TYW1B: variants seen among roughly 807,000 people sequenced by gnomAD.
TYW1B encodes the protein tRNA-yW synthesizing protein 1 homolog B, also known as S-adenosyl-L-methionine-dependent tRNA 4-demethylwyosine synthase TYW1B.
A neutral mutation model predicts 86.9 loss-of-function variants in TYW1B; 73 were observed. The observed-to-expected ratio is 0.84, with a 90% CI of 0.70 to 1.02. The LOEUF is 1.02. Ranked by LOEUF, TYW1B falls within the 50% of genes least tolerant of loss-of-function variation. TYW1B has a pLI of 0.00. For missense variants in TYW1B, 637 were observed against 827.4 expected, an observed-to-expected ratio of 0.77 and a Z score of 2.82; for synonymous variants, 248 against 292.8, an observed-to-expected ratio of 0.85 and a Z score of 1.56.
intron 11 of TYW1B, among the ~76,000 whole-genome samples, chr7:72,649,693 CA>C (rs1298658483): frequency 4.6e-5 from 7 of 152,076 alleles, no homozygotes; most frequent in African/African-American, 1.7e-4. Flanking sequence ...ACGACTGAGA[CA>C]AAGTAAATTT....
At chr7:72,767,993 T>C (rs1268484320) in intron 7 of TYW1B, among the ~76,000 whole-genome samples, 6 of 152,148 alleles carry the variant, frequency 3.9e-5, no homozygotes, top group Admixed American at 1.3e-4. Context: ...CTCATGCCTA[T>C]AATCCCAGCA....
intron 2 of TYW1B, among the ~76,000 whole-genome samples, chr7:72,821,905 T>C (rs1185894598): frequency 6.6e-6 from 1 of 152,054 alleles, no homozygotes; most frequent in Non-Finnish European, 1.5e-5. Flanking sequence ...CTAAGAAAGG[T>C]AACTCGATAT....
At chr7:72,810,382 G>C in intron 4 of TYW1B, 89 bp downstream of exon 4, 1 of 1,260,648 alleles carries the variant, frequency 7.9e-7, no homozygotes, top group Non-Finnish European at 1.1e-6. Context: ...GTACGTGTGT[G>C]CACGTGTGTT....
chr7:72,733,362 A>T, intron 8 of TYW1B, among the ~76,000 whole-genome samples: 1 of 152,210 alleles, frequency 6.6e-6, no homozygotes, highest in Non-Finnish European at 1.5e-5. Flanking sequence ...CGATGAACAA[A>T]GGTATAAAAA....
At chr7:72,778,472 C>G (rs1340224801) in intron 6 of TYW1B, among the ~76,000 whole-genome samples, 2 of 152,176 alleles carry the variant, frequency 1.3e-5, no homozygotes, top group African/African-American at 4.8e-5. Context: ...TTTTTTGAAA[C>G]AGAGTCTCGC....
In TYW1B at chr7:72,807,334, C is replaced by T; in HGVS notation, c.455G>A (p.Trp152Ter). 6.2e-7 allele frequency: 1 copy of T among 1,611,914 alleles called. No individual in the cohort carries two copies. The highest frequency in any genetic ancestry group is 1.7e-4 in the Middle Eastern group (1 of 6,056). Residue 152 changes from tryptophan to a stop codon, truncating the protein, a stop_gained, in exon 5 of 14, where the codon TGG becomes TAG. Coordinates refer to ENST00000620995, the MANE Select transcript of TYW1B (RefSeq NM_001145440.3). LOFTEE classifies it high-confidence loss of function. ...ACGATGCACGCCAAGCATCCAGAGCCACTTGTCAACATTTTTGCCAACCTG... is the reference window on the plus strand; with the variant it reads ...ACGATGCACGCCAAGCATCCAGAGCTACTTGTCAACATTTTTGCCAACCTG... ...FNKVGKNVDK[W>*]LWMLGVHRVM...
At chr7:72,601,394 T>C (rs1163726716) in intron 13 of TYW1B, among the ~76,000 whole-genome samples, 1 of 151,134 alleles carries the variant, frequency 6.6e-6, no homozygotes, top group Non-Finnish European at 1.5e-5. Context: ...CAAGGATGTA[T>C]AGCAACAGGA....
chr7:72,770,432 AAAAAAAAAAAAAAAG>A (rs1787847123), intron 7 of TYW1B, among the ~76,000 whole-genome samples: 1 of 147,858 alleles, frequency 6.8e-6, no homozygotes, highest in African/African-American at 2.5e-5. Context: ...CGTCTCAAAA[AAAAAAAAAAAAAAAG>A]AAAAAAGAAA....
chr7:72,629,966 T>C (rs1313785458), intron 11 of TYW1B, among the ~76,000 whole-genome samples: 8 of 152,118 alleles, frequency 5.3e-5, no homozygotes, highest in African/African-American at 1.9e-4. Context: ...CACTAAAAAA[T>C]CTCAGGACAA....
intron 13 of TYW1B, 134 bp from the exon 14 acceptor site, chr7:72,575,853 C>CA: frequency 5.8e-6 from 8 of 1,374,948 alleles, no homozygotes; most frequent in Middle Eastern, 2.3e-4. Context: ...AAAACAAACA[C>CA]AAAAAAACCT....
At chr7:72,768,820 G>T in intron 7 of TYW1B, 1 of 226,248 alleles carries the variant, frequency 4.4e-6, no homozygotes, top group Non-Finnish European at 9.1e-6. Flanking sequence ...TGTGGTGCAG[G>T]ACAGGATCCT....
At chr7:72,644,534 T>C (rs1812879028) in intron 11 of TYW1B, among the ~76,000 whole-genome samples, 1 of 151,850 alleles carries the variant, frequency 6.6e-6, no homozygotes, top group Non-Finnish European at 1.5e-5. Flanking sequence ...GGCGACAGAG[T>C]GAGACTCCGT....
intron 11 of TYW1B, among the ~76,000 whole-genome samples, chr7:72,657,558 C>T (rs1350342529): frequency 1.3e-5 from 2 of 152,114 alleles, no homozygotes; most frequent in African/African-American, 4.8e-5. Context: ...TATAGTCAAG[C>T]TGTCAAAAGT....
intron 10 of TYW1B, among the ~76,000 whole-genome samples, chr7:72,713,134 A>G (rs1419366168): frequency 1.0e-5 from 1 of 97,118 alleles, no homozygotes; most frequent in Non-Finnish European, 2.7e-5. Flanking sequence ...GCCCATCTCT[A>G]TTAAAAAAAA....
chr7:72,757,720 T>C (rs554138689), intron 7 of TYW1B, among the ~76,000 whole-genome samples: 1 of 152,304 alleles, frequency 6.6e-6, no homozygotes, highest in African/African-American at 2.4e-5. Context: ...GAGAGGGCTA[T>C]CATGCTTGTA....
intron 13 of TYW1B, among the ~76,000 whole-genome samples, chr7:72,605,046 A>G (rs1469240243): frequency 6.6e-6 from 1 of 152,222 alleles, no homozygotes; most frequent in Admixed American, 6.5e-5. Flanking sequence ...CTCTGACATT[A>G]TATCTACATG....
At chr7:72,777,683 G>C (rs1554470849) in intron 6 of TYW1B, 150 bp from the exon 7 acceptor site, 3 of 938,066 alleles carry the variant, frequency 3.2e-6, no homozygotes, top group Non-Finnish European at 4.7e-6. Flanking sequence ...TAGAAGGCCA[G>C]GGTAGGCGGA....
intron 11 of TYW1B, among the ~76,000 whole-genome samples, chr7:72,648,522 G>A (rs1220967762): frequency 2.1e-5 from 3 of 144,792 alleles, no homozygotes; most frequent in Non-Finnish European, 3.0e-5. Context: ...CAGCCTGAGC[G>A]ACAGAGCAAG....
intron 4 of TYW1B, 137 bp downstream of exon 4, chr7:72,810,334 T>G: frequency 1.1e-6 from 1 of 948,556 alleles, no homozygotes; most frequent in Non-Finnish European, 1.5e-6. Context: ...CTACCAAAGT[T>G]TGTGGATTAT....
Sources: gnomAD v4.1 joint callset for allele counts (sites outside exome capture counted in the v4.1 genomes callset) on GRCh38, gnomAD v4.1.1 for gene constraint, MANE v1.5 for transcripts, NCBI Gene and HGNC (gene_info 2026-07-23, HGNC 2026-07-21) for gene names.